IL6R: variants seen among roughly 807,000 people sequenced by gnomAD.
IL6R encodes interleukin-6 receptor subunit alpha.
In IL6R, 38 loss-of-function variants were observed where a neutral mutation model predicts 48.3. That is an observed-to-expected ratio of 0.79 (90% CI 0.61 to 1.03). The LOEUF is 1.03. Among genes scored for constraint, IL6R ranks in the 50% least tolerant of loss-of-function variants. IL6R has a pLI of 0.00. For synonymous variants in IL6R, 264 were observed against 256.2 expected, an observed-to-expected ratio of 1.03 and a Z score of -0.29; for missense variants, 534 against 618.3, an observed-to-expected ratio of 0.86 and a Z score of 1.45.
At chr1:154,461,205 G>A (rs770285084) in intron 9 of IL6R, among the ~76,000 whole-genome samples, 2 of 152,204 alleles carry the variant, frequency 1.3e-5, no homozygotes, top group African/African-American at 2.4e-5. Context: ...GCTTCGAAGA[G>A]GAACCAGGAG....
rs560851966 is a variant in IL6R at position 154,428,803 on chromosome 1, G to A, written c.86-393G>A. The stretch of plus-strand genomic sequence containing the variant: ...CGTGGGGATGATGTAGGAAGAACGA[G>A]TGTGAGGAGGAGAGCGAGGGGAGTT... On this transcript the variant is annotated intron_variant, in intron 1 of 9. Coordinates refer to ENST00000368485, the MANE Select transcript of IL6R (RefSeq NM_000565.4). 3.3e-5 allele frequency among the ~76,000 whole-genome samples: 5 copies of A among 152,314 alleles called. No homozygotes were observed. The East Asian group carries it at 9.7e-4, about 29-fold the overall frequency.
chr1:154,455,613 C>T lies in IL6R; in HGVS notation c.1160+1032C>T, dbSNP rs900839198. Among the ~76,000 whole-genome samples the T allele has an allele frequency of 4.0e-5, 6 of 151,426 alleles. 1 individual carries two copies. The highest frequency in any genetic ancestry group is 9.7e-5 in the African/African-American group (4 of 41,308). Reference sequence around the variant, plus strand: ...GACCACAGGTGCCCGCTACCATGCCCGGCTAATATTTTGTGTTTTTAGTAG... The same window carrying T: ...GACCACAGGTGCCCGCTACCATGCCTGGCTAATATTTTGTGTTTTTAGTAG... On this transcript the variant is annotated intron_variant, in intron 9 of 9. Transcript: ENST00000368485.
intron 9 of IL6R, among the ~76,000 whole-genome samples, chr1:154,457,730 A>T (rs1690971677): frequency 6.6e-6 from 1 of 152,308 alleles, no homozygotes; most frequent in South Asian, 2.1e-4. Flanking sequence ...ACCCTAAAAG[A>T]TGTCAGGCTG....
In IL6R at chr1:154,405,491, C is replaced by G. The variant is rs932682951; in HGVS notation, c.-139C>G. ...GCAGTGTGTGTAGAGAGCCGGGCTCCTGCGGATGGGGGCTGCCCCCGGGGC... is the reference window on the plus strand; with the variant it reads ...GCAGTGTGTGTAGAGAGCCGGGCTCGTGCGGATGGGGGCTGCCCCCGGGGC... On this transcript the variant is annotated 5_prime_UTR_variant, in exon 1 of 10. Coordinates refer to ENST00000368485, the MANE Select transcript of IL6R (RefSeq NM_000565.4). The surrounding 1 kb of genome is among the most constrained non-coding windows in gnomAD (Gnocchi z 5.2). 2.7e-6 allele frequency: 2 copies of G among 740,272 alleles called. No individual in the cohort carries two copies. Among genetic ancestry groups the G allele is most frequent in the Admixed American group, 7.0e-5 (2 of 28,376 alleles). 45.9% of individuals were successfully genotyped at this position (740,272 alleles called of 1,614,324 possible).
chr1:154,425,736 T>C (rs934212486), intron 1 of IL6R, among the ~76,000 whole-genome samples: 3 of 150,864 alleles, frequency 2.0e-5, no homozygotes, highest in Non-Finnish European at 4.4e-5. Flanking sequence ...ATTGTGCCAC[T>C]GTACTTCAGC....
chr1:154,430,409 C>A, intron 2 of IL6R, 74 bp from the exon 3 acceptor site: 1 of 1,574,706 alleles, frequency 6.4e-7, no homozygotes, highest in South Asian at 1.2e-5. Flanking sequence ...TCAAGGGAGG[C>A]TGCCCTGTCT....
intron 3 of IL6R, among the ~76,000 whole-genome samples, chr1:154,432,558 A>T (rs981490884): frequency 1.3e-5 from 2 of 151,992 alleles, no homozygotes; most frequent in Non-Finnish European, 2.9e-5. Context: ...AGGTTTCACC[A>T]TGTTAGCGGG....
At chr1:154,452,057 C>G (rs894127273) in intron 8 of IL6R, among the ~76,000 whole-genome samples, 1 of 152,124 alleles carries the variant, frequency 6.6e-6, no homozygotes, top group African/African-American at 2.4e-5. Flanking sequence ...TTGACCACTC[C>G]TCACCATCTC....
intron 6 of IL6R, among the ~76,000 whole-genome samples, chr1:154,441,794 G>C (rs1025373755): frequency 5.3e-5 from 8 of 152,078 alleles, no homozygotes; most frequent in African/African-American, 1.4e-4. Flanking sequence ...GTGTGGGAGT[G>C]GTGGCCTTTG....
At position 154,416,800 on chromosome 1, in the gene IL6R, A is replaced by G. The variant is rs141452595; in HGVS notation, c.85+11086A>G. Reference sequence around the variant, plus strand: ...TGGCAGAGTGACACACCTACGAAAGAGTGTGGTCAGCATAGGCCTCACACT... The same window carrying G: ...TGGCAGAGTGACACACCTACGAAAGGGTGTGGTCAGCATAGGCCTCACACT... On this transcript the variant is annotated intron_variant, in intron 1 of 9. Coordinates refer to ENST00000368485, the MANE Select transcript of IL6R (RefSeq NM_000565.4). Among the ~76,000 whole-genome samples, 16 of 152,258 alleles carry G rather than the reference A, an allele frequency of 1.1e-4. No homozygotes were observed. In the East Asian group the frequency reaches 3.1e-3, roughly 29 times the overall value.
Position 154,435,168 on chromosome 1 carries a change from T to G in IL6R, c.807+12T>G. On this transcript the variant is annotated intron_variant, in intron 5 of 9. Transcript: ENST00000368485. ...TCACAACATGGATGGTAAATTTATGTTTTACTTCTGGTCAGAGAGGCGCCC... is the reference window on the plus strand; with the variant it reads ...TCACAACATGGATGGTAAATTTATGGTTTACTTCTGGTCAGAGAGGCGCCC... The G allele has an allele frequency of 6.2e-7, 1 of 1,613,118 alleles. No individual in the cohort carries two copies. The highest frequency in any genetic ancestry group is 8.5e-7 in the Non-Finnish European group (1 of 1,179,198).
chr1:154,442,388 C>T (rs534770923), intron 6 of IL6R, among the ~76,000 whole-genome samples: 1 of 152,214 alleles, frequency 6.6e-6, no homozygotes, highest in Non-Finnish European at 1.5e-5. Flanking sequence ...TACAAAGGCA[C>T]GGAGCTGTGA....
chr1:154,436,659 G>A (rs956230199), intron 6 of IL6R, among the ~76,000 whole-genome samples: 1 of 152,160 alleles, frequency 6.6e-6, no homozygotes, highest in African/African-American at 2.4e-5. Context: ...GCTGGTGGCC[G>A]AGGCCCTGGG....
intron 1 of IL6R, among the ~76,000 whole-genome samples, chr1:154,423,785 C>T (rs535880709): frequency 2.6e-5 from 4 of 152,294 alleles, no homozygotes; most frequent in African/African-American, 9.6e-5. Context: ...AGCCATTACT[C>T]AAGTTCCTTG....
chr1:154,415,460 C>T lies in IL6R; in HGVS notation c.85+9746C>T, dbSNP rs34806329. Among the ~76,000 whole-genome samples, 1,221 of 152,254 alleles carry T rather than the reference C, an allele frequency of 8.0e-3. 8 individuals are homozygous for T. The highest frequency in any genetic ancestry group is 0.013 in the Non-Finnish European group (903 of 68,032). ...TTCCTGTATACTTGGGTTTATACGCCTCTTGGCATAGCGAGTAGTTAAAAG... is the reference window on the plus strand; with the variant it reads ...TTCCTGTATACTTGGGTTTATACGCTTCTTGGCATAGCGAGTAGTTAAAAG... On this transcript the variant is annotated intron_variant, in intron 1 of 9. Transcript: ENST00000368485.
chr1:154,464,156 C>CTT (rs763486598), intron 9 of IL6R, among the ~76,000 whole-genome samples: 2 of 78,290 alleles, frequency 2.6e-5, no homozygotes, highest in African/African-American at 6.4e-5. Context: ...CTTTCCTTTT[C>CTT]TTTTTTTTTA....
At chr1:154,427,765 G>C (rs1028164387) in intron 1 of IL6R, among the ~76,000 whole-genome samples, 6 of 152,178 alleles carry the variant, frequency 3.9e-5, no homozygotes, top group African/African-American at 1.4e-4. Context: ...ATCTGCCTGG[G>C]AGTCACTGAT....
intron 8 of IL6R, among the ~76,000 whole-genome samples, chr1:154,452,220 T>C (rs1016266888): frequency 1.3e-5 from 2 of 152,182 alleles, no homozygotes; most frequent in African/African-American, 4.8e-5. Flanking sequence ...CCAAGCTCTC[T>C]CTGGCTCAGT....
chr1:154,451,784 C>T (rs1281568413), intron 8 of IL6R, among the ~76,000 whole-genome samples: 1 of 152,018 alleles, frequency 6.6e-6, no homozygotes, highest in East Asian at 1.9e-4. Context: ...GATCTGCCTG[C>T]CTCGGTCTCC....
Sources: gnomAD v4.1 joint callset for allele counts (sites outside exome capture counted in the v4.1 genomes callset) on GRCh38, gnomAD v4.1.1 for gene constraint, Gnocchi (gnomAD v3.1) non-coding constraint, MANE v1.5 for transcripts, NCBI Gene and HGNC (gene_info 2026-07-23, HGNC 2026-07-21) for gene names.